The following TMEM184B variants were observed in gnomAD, a reference collection of about 807,000 sequenced individuals.
The protein encoded by TMEM184B is transmembrane protein 184B.
A neutral mutation model predicts 41.8 loss-of-function variants in TMEM184B; 17 were observed. That is an observed-to-expected ratio of 0.41 (90% CI 0.28 to 0.61). The LOEUF (loss-of-function observed/expected upper bound fraction) is 0.61, where lower values mean the gene tolerates loss of function less well. Among genes scored for constraint, TMEM184B ranks in the 20% least tolerant of loss-of-function variants. TMEM184B has a pLI of 0.34. For synonymous variants in TMEM184B, 240 were observed against 229.5 expected (o/e 1.05, Z -0.41); for missense variants, 393 against 557.8 (o/e 0.70, Z 2.98).
rs1033555352 is a variant in TMEM184B at position 38,220,681 on chromosome 22, G to A, written c.*788C>T. The A allele has an allele frequency of 1.7e-5, 17 of 986,400 alleles. No homozygotes were observed. Among genetic ancestry groups the A allele is most frequent in the Middle Eastern group, 5.2e-4 (1 of 1,920 alleles). 61.1% of individuals were successfully genotyped at this position (986,400 alleles called of 1,614,324 possible). ...GAAGCAGCCAGGAAGCAAGGGCTCT[G>A]CCCAAAGCTATCGAGGAAGGACCCA... On this transcript the variant is annotated 3_prime_UTR_variant, in exon 9 of 9. Transcript: ENST00000361906.
chr22:38,231,131 G>A (rs1300098863), intron 4 of TMEM184B, 113 bp downstream of exon 4: 15 of 932,080 alleles, frequency 1.6e-5, no homozygotes, highest in Non-Finnish European at 2.3e-5. Context: ...AGGCACAGCA[G>A]GTCAAGGTCA....
At chr22:38,244,931 C>A (rs1003558339) in intron 3 of TMEM184B, among the ~76,000 whole-genome samples, 2 of 152,224 alleles carry the variant, frequency 1.3e-5, no homozygotes, top group African/African-American at 4.8e-5. Context: ...TGTTTAGGGG[C>A]CACAGCCTCC....
rs1052058852 is a variant in TMEM184B, at chr22:38,220,218, G to A, written c.*1251C>T. The stretch of plus-strand genomic sequence containing the variant: ...AGGCCCCAGGTCTAGAGGTGTGGAG[G>A]GGGAGAGGAGGGGCTTGGTGGTCCT... On this transcript the variant is annotated 3_prime_UTR_variant, in exon 9 of 9. Coordinates refer to ENST00000361906, the MANE Select transcript of TMEM184B (RefSeq NM_012264.5). The A allele has an allele frequency of 2.5e-5, 25 of 985,858 alleles. No homozygotes were observed. The highest frequency in any genetic ancestry group is 3.0e-5 in the Non-Finnish European group (25 of 830,052). 61.1% of individuals were successfully genotyped at this position (985,858 alleles called of 1,614,324 possible).
chr22:38,231,163 C>T, intron 4 of TMEM184B, 81 bp downstream of exon 4: 1 of 1,199,586 alleles, frequency 8.3e-7, no homozygotes, highest in Non-Finnish European at 1.2e-6. Flanking sequence ...GGTCTGTGTC[C>T]AGCTGGTGCC....
rs770597717 is a variant in TMEM184B, at chr22:38,224,963, G to A, written c.804C>T (p.Ile268=). 3.8e-6 allele frequency: 6 copies of A among 1,580,094 alleles called. No individual in the cohort carries two copies. The highest frequency in any genetic ancestry group is 4.6e-5 in the East Asian group (2 of 43,500). The change falls in exon 8 of 9, where the codon ATC becomes ATT. Residue 268 remains isoleucine, a synonymous_variant. Transcript: ENST00000361906. The stretch of plus-strand genomic sequence containing the variant: ...TGGGGATGGCCCCACACTTCTCCAG[G>A]ATGGCCAGGAGCATGCCTGGATGGG... ...LSFWQGMLLA[I]LEKCGAIPKI...
At chr22:38,216,926 T>A (rs1021047832), downstream of TMEM184B, among the ~76,000 whole-genome samples, 3 of 152,096 alleles carry the variant, frequency 2.0e-5, no homozygotes, top group Non-Finnish European at 4.4e-5. Context: ...CACATGCCTA[T>A]TGTTCCAGCT....
intron 1 of TMEM184B, among the ~76,000 whole-genome samples, chr22:38,252,869 A>G (rs570769839): frequency 1.8e-3 from 268 of 152,242 alleles, no homozygotes; most frequent in African/African-American, 5.7e-3. Flanking sequence ...AGGGCCCAGC[A>G]AGGTGCCTCA....
rs555296935 is a variant in TMEM184B, at chr22:38,272,943, G to A, written c.-118C>T. On this transcript the variant is annotated 5_prime_UTR_variant, in exon 1 of 9. Transcript: ENST00000361906. ...CGATGCGCGGCAGCCGGACTCTGCG[G>A]GCGGGGCGGGCGGCGCCGCAGCCCC... 1.8e-5 allele frequency: 8 copies of A among 443,156 alleles called. 1 individual carries two copies. The East Asian group carries it at 6.4e-4, about 35-fold the overall frequency. The allele number at this position is 443,156 out of a possible 1,614,324, so 27.5% of individuals were successfully genotyped here.
intron 2 of TMEM184B, among the ~76,000 whole-genome samples, chr22:38,247,560 A>G (rs2092063216): frequency 1.3e-5 from 2 of 152,284 alleles, no homozygotes; most frequent in South Asian, 4.1e-4. Flanking sequence ...AGATCGCACC[A>G]CTGTACTCCA....
intron 3 of TMEM184B, among the ~76,000 whole-genome samples, chr22:38,233,517 T>G (rs892802307): frequency 1.3e-5 from 2 of 152,210 alleles, no homozygotes; most frequent in African/African-American, 2.4e-5. Context: ...GAGGGCTGTG[T>G]GTACTGCCTG....
At position 38,221,705 on chromosome 22, in the gene TMEM184B, A is replaced by G. The variant is rs768812511; in HGVS notation, c.988T>C (p.Cys330Arg). The G allele has an allele frequency of 1.9e-6, 3 of 1,613,664 alleles. No individual in the cohort carries two copies. The Admixed American group carries it at 5.0e-5, about 27-fold the overall frequency. ...ADKRLDAQGR[C>R]APMKSISSSL... ...CTGGAGATGCTCTTCATGGGGGCAC[A>G]GCGGCCTGCCGGGCAGGGAGCGGGA... The change falls in exon 9 of 9, where the codon TGT (cysteine) becomes CGT (arginine). Residue 330 changes from cysteine (C) to arginine (R), a missense_variant. Coordinates refer to ENST00000361906, the MANE Select transcript of TMEM184B (RefSeq NM_012264.5).
chr22:38,253,776 T>C (rs932954932), intron 1 of TMEM184B, among the ~76,000 whole-genome samples: 10 of 151,918 alleles, frequency 6.6e-5, no homozygotes, highest in African/African-American at 1.9e-4. Context: ...AAGGAAAAAA[T>C]CGATAAACTG....
rs994962264 is a variant in TMEM184B, at chr22:38,225,691, A to G, written c.618-98T>C. 1 of 1,333,240 alleles carries G rather than the reference A, an allele frequency of 7.5e-7. No homozygotes were observed. Among genetic ancestry groups the G allele is most frequent in the Non-Finnish European group, 9.9e-7 (1 of 1,005,842 alleles). 82.6% of individuals were successfully genotyped at this position (1,333,240 alleles called of 1,614,324 possible). ...CACAGTCCCCATGGCTCTCAGCCCC[A>G]CACCTCCAGCAGAGCTCAACGAGCC... On this transcript the variant is annotated intron_variant, in intron 6 of 8. Coordinates refer to ENST00000361906, the MANE Select transcript of TMEM184B (RefSeq NM_012264.5). The surrounding 1 kb of genome is among the most constrained non-coding windows in gnomAD (Gnocchi z 4.4).
At chr22:38,270,534 T>G (rs983194997) in intron 1 of TMEM184B, among the ~76,000 whole-genome samples, 1 of 152,202 alleles carries the variant, frequency 6.6e-6, no homozygotes, top group African/African-American at 2.4e-5. Flanking sequence ...TTGTTACACA[T>G]TGGGCTCCCT....
intron 1 of TMEM184B, among the ~76,000 whole-genome samples, chr22:38,253,514 T>C (rs2145726715): frequency 6.6e-6 from 1 of 152,020 alleles, no homozygotes; most frequent in Non-Finnish European, 1.5e-5. Flanking sequence ...GTGGTTGCAG[T>C]GAGCTAAGAT....
At chr22:38,230,579 C>T (rs565859227) in intron 5 of TMEM184B, 90 bp downstream of exon 5, 136 of 1,392,140 alleles carry the variant, frequency 9.8e-5, no homozygotes, top group Admixed American at 9.5e-4. Context: ...GAAAGGGGAC[C>T]TCTAAGGTGG....
rs1280816114 is a variant in TMEM184B at position 38,219,613 on chromosome 22, C to A, written c.*1856G>T. The A allele has an allele frequency of 1.0e-6, 1 of 985,372 alleles. No individual in the cohort carries two copies. Among genetic ancestry groups the A allele is most frequent in the African/African-American group, 1.7e-5 (1 of 57,238 alleles). The allele number at this position is 985,372 out of a possible 1,614,324, so 61.0% of individuals were successfully genotyped here. A position where few individuals can be genotyped will look rare whatever the true frequency, so the allele number is the denominator to read the frequency against. ...CGGGCACATGTTCCCGTCCCCACGA[C>A]CCCACGGACCGCTGATTCCCTGCCA... On this transcript the variant is annotated 3_prime_UTR_variant, in exon 9 of 9. Transcript: ENST00000361906.
chr22:38,262,761 G>A lies in TMEM184B; in HGVS notation c.-59+10123C>T, dbSNP rs565087167. Among the ~76,000 whole-genome samples the A allele has an allele frequency of 7.2e-5, 11 of 152,290 alleles. No homozygotes were observed. In the East Asian group the frequency reaches 1.4e-3, roughly 19 times the overall value. The stretch of plus-strand genomic sequence containing the variant: ...AAGCAACACCCAAGCCCTCACACTC[G>A]GCCCCTTTGTGAGAACCAAGCACAT... On this transcript the variant is annotated intron_variant, in intron 1 of 8. Coordinates refer to ENST00000361906, the MANE Select transcript of TMEM184B (RefSeq NM_012264.5).
rs1422269718 is a variant in TMEM184B at position 38,221,039 on chromosome 22, G to A, written c.*430C>T. ...AGGGATGCAGGCGGGAAGAGCCCAG[G>A]TCAGACAGGGTATTGCACGGTGTGT... On this transcript the variant is annotated 3_prime_UTR_variant, in exon 9 of 9. Transcript: ENST00000361906. 6.9e-6 allele frequency: 7 copies of A among 1,012,956 alleles called. No individual in the cohort carries two copies. The highest frequency in any genetic ancestry group is 5.9e-6 in the Non-Finnish European group (5 of 847,616). The allele number at this position is 1,012,956 out of a possible 1,614,324, so 62.7% of individuals were successfully genotyped here. A position where few individuals can be genotyped will look rare whatever the true frequency, so the allele number is the denominator to read the frequency against.
Sources: allele counts gnomAD v4.1 joint callset (sites outside exome capture counted in the v4.1 genomes callset), GRCh38; gene constraint gnomAD v4.1.1; non-coding constraint Gnocchi (gnomAD v3.1); transcripts MANE v1.5; gene names NCBI Gene and HGNC (gene_info 2026-07-23, HGNC 2026-07-21).